The following ONECUT1 variants were observed in gnomAD, a reference collection of about 807,000 sequenced individuals.
ONECUT1 encodes the protein hepatocyte nuclear factor 6.
ONECUT1 carries 12 observed loss-of-function variants against 25.6 expected under a neutral mutation model. That is an observed-to-expected ratio of 0.47 (90% confidence interval 0.30 to 0.76). ONECUT1 has a LOEUF of 0.76. ONECUT1 is among the 30% of genes least tolerant of loss of function. The probability of loss-of-function intolerance (pLI) is 0.07; values close to 1 mark genes in which losing one functional copy is unlikely to be tolerated. For missense variants in ONECUT1, 620 were observed against 651.2 expected, an observed-to-expected ratio of 0.95 and a Z score of 0.52; for synonymous variants, 285 against 270.2, an observed-to-expected ratio of 1.05 and a Z score of -0.54.
At chr15:52,761,908 T>A (rs997284179) in intron 1 of ONECUT1, among the ~76,000 whole-genome samples, 1 of 152,152 alleles carries the variant, frequency 6.6e-6, no homozygotes, top group African/African-American at 2.4e-5. Flanking sequence ...ACAAATTGCA[T>A]TGGATGTGTT....
intron 1 of ONECUT1, among the ~76,000 whole-genome samples, chr15:52,764,096 G>A (rs2083720800): frequency 6.6e-6 from 1 of 152,132 alleles, no homozygotes; most frequent in Non-Finnish European, 1.5e-5. Flanking sequence ...CTGACTTAAT[G>A]ATACAAAGGA....
At chr15:52,782,246 G>A (rs1264831810) in intron 1 of ONECUT1, among the ~76,000 whole-genome samples, 1 of 152,152 alleles carries the variant, frequency 6.6e-6, no homozygotes, top group Non-Finnish European at 1.5e-5. Flanking sequence ...TCTTGGAAGA[G>A]ACATATGTGG....
chr15:52,777,292 C>G (rs2083807086), intron 1 of ONECUT1, among the ~76,000 whole-genome samples: 1 of 152,134 alleles, frequency 6.6e-6, no homozygotes, highest in African/African-American at 2.4e-5. Flanking sequence ...TACCATTATT[C>G]TAATTTGCCA....
rs192628583 is a variant in ONECUT1, at chr15:52,766,809, C to T, written c.1106-8962G>A. Reference sequence around the variant, plus strand: ...AGTCATTGGAGCCTCTCCCTGCCCCCGGTCTGCTTCTCTAGCAGAGCTGTC... The same window carrying T: ...AGTCATTGGAGCCTCTCCCTGCCCCTGGTCTGCTTCTCTAGCAGAGCTGTC... On this transcript the variant is annotated intron_variant, in intron 1 of 1. Coordinates refer to ENST00000305901, the MANE Select transcript of ONECUT1 (RefSeq NM_004498.4). Among the ~76,000 whole-genome samples the T allele has an allele frequency of 5.3e-5, 8 of 152,328 alleles. No homozygotes were observed. The East Asian group carries it at 1.4e-3, about 26-fold the overall frequency.
chr15:52,789,059 T>C lies in ONECUT1; in HGVS notation c.826A>G (p.Thr276Ala). 1 of 1,603,000 alleles carries C rather than the reference T, an allele frequency of 6.2e-7. No individual in the cohort carries two copies. The highest frequency in any genetic ancestry group is 8.5e-7 in the Non-Finnish European group (1 of 1,179,970). ...CTTCCATTGCTGACCTGCGCGCCGG[T>C]CACCGAAGGGTTGGGCTCCCGGGCT... Reference protein sequence around the residue: ...GTAREPNPSVTGAQVSNGSNS... With the variant: ...GTAREPNPSVAGAQVSNGSNS... Residue 276 changes from threonine (T) to alanine (A), a missense_variant, in exon 1 of 2, where the codon ACC becomes GCC. Coordinates refer to ENST00000305901, the MANE Select transcript of ONECUT1 (RefSeq NM_004498.4). The surrounding 1 kb of genome is among the most constrained non-coding windows in gnomAD (Gnocchi z 4.1).
intron 1 of ONECUT1, among the ~76,000 whole-genome samples, chr15:52,763,087 A>G (rs372345333): frequency 8.0e-4 from 122 of 152,344 alleles, no homozygotes; most frequent in African/African-American, 2.8e-3. Flanking sequence ...GTAGGGGTAC[A>G]GTTTCCATTA....
At chr15:52,780,535 A>T in intron 1 of ONECUT1, 1 of 1,482,558 alleles carries the variant, frequency 6.7e-7, no homozygotes, top group Non-Finnish European at 9.1e-7. Context: ...TAATCACTTT[A>T]ACTGCATCTT....
At chr15:52,771,200 A>G (rs2083765264) in intron 1 of ONECUT1, among the ~76,000 whole-genome samples, 1 of 152,144 alleles carries the variant, frequency 6.6e-6, no homozygotes, top group African/African-American at 2.4e-5. Context: ...TTGTGTGTGC[A>G]AAGACTTGCT....
rs2083893155 is a variant in ONECUT1 at position 52,788,705 on chromosome 15, C to T, written c.1105+75G>A. The stretch of plus-strand genomic sequence containing the variant: ...GATGAAGCGCACCCAGCCCTCTCTC[C>T]TACCCTTCCTCCTTTGGTCCCTTCG... On this transcript the variant is annotated intron_variant, in intron 1 of 1. Coordinates refer to ENST00000305901, the MANE Select transcript of ONECUT1 (RefSeq NM_004498.4). The surrounding 1 kb of genome is among the most constrained non-coding windows in gnomAD (Gnocchi z 4.3). 1 of 1,499,616 alleles carries T rather than the reference C, an allele frequency of 6.7e-7. No homozygotes were observed. The highest frequency in any genetic ancestry group is 1.4e-5 in the African/African-American group (1 of 73,030). The allele number at this position is 1,499,616 out of a possible 1,614,324, so 92.9% of individuals were successfully genotyped here.
chr15:52,776,605 A>G (rs2083802666), intron 1 of ONECUT1, among the ~76,000 whole-genome samples: 1 of 152,150 alleles, frequency 6.6e-6, no homozygotes, highest in South Asian at 2.1e-4. Context: ...GGCTGCACCA[A>G]CACACCAGGT....
intron 1 of ONECUT1, among the ~76,000 whole-genome samples, chr15:52,768,900 C>T (rs1166043855): frequency 3.3e-5 from 5 of 152,174 alleles, no homozygotes; most frequent in Admixed American, 1.3e-4. Flanking sequence ...TTGGCGGCTA[C>T]TCTACCATGA....
rs1358988831 is a variant in ONECUT1, at chr15:52,784,419, A to G, written c.1105+4361T>C. Among the ~76,000 whole-genome samples, 1 of 152,170 alleles carries G rather than the reference A, an allele frequency of 6.6e-6. No homozygotes were observed. Among genetic ancestry groups the G allele is most frequent in the Non-Finnish European group, 1.5e-5 (1 of 68,026 alleles). ...ACGGGATAGCCGCATACCTCCGAAC[A>G]GGTAGTGGAGTTCGTCTCTGGCAGG... On this transcript the variant is annotated intron_variant, in intron 1 of 1. Coordinates refer to ENST00000305901, the MANE Select transcript of ONECUT1 (RefSeq NM_004498.4). This position sits in a 1 kb window ranked among gnomAD's most constrained non-coding sequence, Gnocchi z 5.0.
At chr15:52,775,958 C>T (rs925019666) in intron 1 of ONECUT1, among the ~76,000 whole-genome samples, 1 of 152,170 alleles carries the variant, frequency 6.6e-6, no homozygotes, top group Admixed American at 6.5e-5. Context: ...ACTTTTGTTT[C>T]TCTAACAGCA....
chr15:52,760,510 G>A (rs927027199), intron 1 of ONECUT1, among the ~76,000 whole-genome samples: 2 of 152,144 alleles, frequency 1.3e-5, no homozygotes, highest in Non-Finnish European at 2.9e-5. Flanking sequence ...TAAAAAGAGT[G>A]TACAGAGTCT....
intron 1 of ONECUT1, among the ~76,000 whole-genome samples, chr15:52,768,830 A>G (rs986130109): frequency 2.0e-5 from 3 of 152,146 alleles, no homozygotes; most frequent in Non-Finnish European, 2.9e-5. Flanking sequence ...TATTCTTCCA[A>G]TGACATGCAT....
At chr15:52,776,375 C>T (rs1380342979) in intron 1 of ONECUT1, among the ~76,000 whole-genome samples, 1 of 147,412 alleles carries the variant, frequency 6.8e-6, no homozygotes, top group African/African-American at 2.5e-5. Flanking sequence ...TTTCCATTTT[C>T]ACTCTCCACC....
At position 52,769,571 on chromosome 15, in the gene ONECUT1, G is replaced by T. The variant is rs74688537; in HGVS notation, c.1106-11724C>A. On this transcript the variant is annotated intron_variant, in intron 1 of 1. Transcript: ENST00000305901. ...TGTCACTGACTGGGAAGTCAGTAAA[G>T]GTTGGCTGAGTCCTTGGTATTGCCA... is the stretch of plus-strand genomic sequence containing the variant. Among the ~76,000 whole-genome samples, 69 of 152,216 alleles carry T rather than the reference G, an allele frequency of 4.5e-4. 1 individual carries two copies. The East Asian group carries it at 0.011, about 25-fold the overall frequency.
chr15:52,780,407 GA>G (rs1349652044), intron 1 of ONECUT1, among the ~76,000 whole-genome samples: 1 of 152,194 alleles, frequency 6.6e-6, no homozygotes, highest in Non-Finnish European at 1.5e-5. Flanking sequence ...ATGATGAAAA[GA>G]GGAACTGATT....
chr15:52,786,798 G>A (rs562477396), intron 1 of ONECUT1, among the ~76,000 whole-genome samples: 13 of 152,004 alleles, frequency 8.6e-5, no homozygotes, highest in African/African-American at 2.7e-4. Flanking sequence ...AGGCAGTGGG[G>A]GGAGGAGGGA....
Sources: allele counts gnomAD v4.1 joint callset (sites outside exome capture counted in the v4.1 genomes callset), GRCh38; gene constraint gnomAD v4.1.1; non-coding constraint Gnocchi (gnomAD v3.1); transcripts MANE v1.5; gene names NCBI Gene and HGNC (gene_info 2026-07-23, HGNC 2026-07-21).